The following WWOX variants were observed in gnomAD, a reference collection of about 807,000 sequenced individuals.
WWOX encodes the protein WW domain-containing oxidoreductase.
Under a neutral mutation model 46.2 loss-of-function variants are expected in WWOX, and 69 were observed. That is an observed-to-expected ratio of 1.49 (90% CI 1.23 to 1.82). WWOX has a LOEUF of 1.82. Ranked by LOEUF, WWOX falls within the 40% of genes most tolerant of loss-of-function variation. The pLI is 0.00. For missense variants in WWOX, 919 were observed against 542.6 expected (o/e 1.69, Z -6.89); for synonymous variants, 359 against 202.6 (o/e 1.77, Z -6.56).
Position 78,099,679 on chromosome 16 carries a change from G to C in WWOX, c.-100G>C. 1 of 1,419,292 alleles carries C rather than the reference G, an allele frequency of 7.0e-7. No individual in the cohort carries two copies. The highest frequency in any genetic ancestry group is 1.5e-5 in the South Asian group (1 of 67,130). 87.9% of individuals were successfully genotyped at this position (1,419,292 alleles called of 1,614,324 possible). On this transcript the variant is annotated 5_prime_UTR_variant, in exon 1 of 9. Coordinates refer to ENST00000566780, the MANE Select transcript of WWOX (RefSeq NM_016373.4). ...GCAGTGCGCAGGCGTGAGCGGTCGGGCCCCGACGCGCGCGGGTCTCGTTTG... is the reference window on the plus strand; with the variant it reads ...GCAGTGCGCAGGCGTGAGCGGTCGGCCCCCGACGCGCGCGGGTCTCGTTTG...
At chr16:78,585,397 C>T (rs1420714960) in intron 8 of WWOX, among the ~76,000 whole-genome samples, 1 of 152,172 alleles carries the variant, frequency 6.6e-6, no homozygotes, top group Non-Finnish European at 1.5e-5. Flanking sequence ...GGATCGGCCA[C>T]TTACTTGTGG....
chr16:79,191,168 C>T lies in WWOX; in HGVS notation c.1057-20440C>T, dbSNP rs150742295. On this transcript the variant is annotated intron_variant, in intron 8 of 8. Transcript: ENST00000566780. ...TCTCGGGTTCAAGCGATTCTTCTGC[C>T]TCAGCTTCCCGAGTAGCTGGGACTA... Among the ~76,000 whole-genome samples the T allele has an allele frequency of 3.5e-3, 540 of 152,254 alleles. 1 individual carries two copies. The highest frequency in any genetic ancestry group is 0.012 in the African/African-American group (485 of 41,544).
At chr16:78,708,891 A>T (rs781428013) in intron 8 of WWOX, among the ~76,000 whole-genome samples, 7 of 152,224 alleles carry the variant, frequency 4.6e-5, no homozygotes, top group Non-Finnish European at 1.0e-4. Context: ...CTGGTTGTTG[A>T]CTGATGTGTT....
At chr16:78,693,789 A>G (rs990196207) in intron 8 of WWOX, among the ~76,000 whole-genome samples, 2 of 152,266 alleles carry the variant, frequency 1.3e-5, no homozygotes, top group Admixed American at 1.3e-4. Context: ...AGAATTGTTG[A>G]TCTAGGGGAA....
At chr16:78,401,651 G>A (rs1200262369) in intron 6 of WWOX, among the ~76,000 whole-genome samples, 1 of 152,072 alleles carries the variant, frequency 6.6e-6, no homozygotes, top group Non-Finnish European at 1.5e-5. Flanking sequence ...ATTTCTCAGA[G>A]CCCAGGGATT....
chr16:78,249,911 A>G (rs1166762555), intron 5 of WWOX, among the ~76,000 whole-genome samples: 1 of 152,146 alleles, frequency 6.6e-6, no homozygotes, highest in African/African-American at 2.4e-5. Flanking sequence ...GGCGAGTGAG[A>G]TAGCAAAGAG....
At chr16:78,958,878 T>G (rs904222499) in intron 8 of WWOX, among the ~76,000 whole-genome samples, 7 of 152,188 alleles carry the variant, frequency 4.6e-5, no homozygotes, top group Non-Finnish European at 1.0e-4. Flanking sequence ...AAAACATGTT[T>G]GTTGCATTCA....
intron 5 of WWOX, among the ~76,000 whole-genome samples, chr16:78,323,528 A>G (rs1305590516): frequency 6.6e-6 from 1 of 152,150 alleles, no homozygotes; most frequent in African/African-American, 2.4e-5. Context: ...TATTTAAACT[A>G]ATAGGTTACT....
chr16:78,588,598 A>C (rs1000862543), intron 8 of WWOX, among the ~76,000 whole-genome samples: 1 of 152,192 alleles, frequency 6.6e-6, no homozygotes, highest in Non-Finnish European at 1.5e-5. Context: ...TTTTTTGTAC[A>C]TGAGGATACT....
At chr16:79,171,979 T>C (rs1176661113) in intron 8 of WWOX, among the ~76,000 whole-genome samples, 2 of 152,164 alleles carry the variant, frequency 1.3e-5, no homozygotes, top group Non-Finnish European at 2.9e-5. Context: ...CAGTTGGCAG[T>C]TTGCCATGAG....
chr16:78,286,505 C>G (rs1171391581), intron 5 of WWOX, among the ~76,000 whole-genome samples: 1 of 152,138 alleles, frequency 6.6e-6, no homozygotes, highest in Non-Finnish European at 1.5e-5. Flanking sequence ...TCTCTCATCT[C>G]TTGTGGATAC....
chr16:79,100,254 A>G (rs1362106406), intron 8 of WWOX, among the ~76,000 whole-genome samples: 1 of 152,216 alleles, frequency 6.6e-6, no homozygotes, highest in Admixed American at 6.5e-5. Context: ...CCCACCAAAG[A>G]TAAATAAGAT....
At chr16:79,167,541 C>G (rs980796691) in intron 8 of WWOX, among the ~76,000 whole-genome samples, 2 of 152,090 alleles carry the variant, frequency 1.3e-5, no homozygotes, top group Admixed American at 6.6e-5. Flanking sequence ...CTTCCAGAGT[C>G]TCCTGGAATG....
chr16:78,363,054 C>G (rs1196782835), intron 5 of WWOX, among the ~76,000 whole-genome samples: 1 of 151,956 alleles, frequency 6.6e-6, no homozygotes, highest in Non-Finnish European at 1.5e-5. Flanking sequence ...ACAGTGGTAC[C>G]CACACCCGTA....
chr16:78,573,598 C>T (rs980479010), intron 8 of WWOX, among the ~76,000 whole-genome samples: 1 of 152,188 alleles, frequency 6.6e-6, no homozygotes, highest in Non-Finnish European at 1.5e-5. Flanking sequence ...CTTGTCATTC[C>T]TTTGCCCAGT....
chr16:78,309,576 TATA>T (rs1290701780), intron 5 of WWOX, among the ~76,000 whole-genome samples: 1 of 152,136 alleles, frequency 6.6e-6, no homozygotes, highest in Non-Finnish European at 1.5e-5. Flanking sequence ...CCCTAAAGTG[TATA>T]AAATCAAGGT....
intron 5 of WWOX, among the ~76,000 whole-genome samples, chr16:78,317,285 G>A (rs992424944): frequency 1.3e-5 from 2 of 152,114 alleles, no homozygotes; most frequent in Admixed American, 1.3e-4. Context: ...CTCTCTGTCT[G>A]TCTCTCTCTG....
intron 8 of WWOX, among the ~76,000 whole-genome samples, chr16:78,841,497 C>A (rs912776466): frequency 1.3e-5 from 2 of 152,272 alleles, no homozygotes; most frequent in Admixed American, 1.3e-4. Context: ...GCAAATGCTA[C>A]TAATAAGGAT....
intron 8 of WWOX, among the ~76,000 whole-genome samples, chr16:78,713,079 G>A (rs117981279): frequency 0.023 from 3,542 of 151,770 alleles, 62 homozygotes; most frequent in Middle Eastern, 0.078. Flanking sequence ...AGACCAGCCA[G>A]GGTAACATAG....
Sources: allele counts gnomAD v4.1 joint callset (sites outside exome capture counted in the v4.1 genomes callset), GRCh38; gene constraint gnomAD v4.1.1; transcripts MANE v1.5; gene names NCBI Gene and HGNC (gene_info 2026-07-23, HGNC 2026-07-21).